OXR1: variants seen among roughly 807,000 people sequenced by gnomAD.
The protein encoded by OXR1 is oxidation resistance protein 1.
OXR1 carries 41 observed loss-of-function variants against 104.6 expected under a neutral mutation model. The observed-to-expected ratio is 0.39, with a 90% CI of 0.31 to 0.51. OXR1 has a LOEUF of 0.51. Among genes scored for constraint, OXR1 ranks in the 20% least tolerant of loss-of-function variants. The pLI is 0.77. For missense variants in OXR1, 955 were observed against 1,031.9 expected (o/e 0.93, Z 1.02); for synonymous variants, 348 against 348.4 (o/e 1.00, Z 0.01).
At chr8:106,679,045 G>C (rs572783667) in intron 3 of OXR1, among the ~76,000 whole-genome samples, 165 bp from the exon 4 acceptor site, 1 of 152,092 alleles carries the variant, frequency 6.6e-6, no homozygotes, top group Admixed American at 6.6e-5. Context: ...AGGAAGTTCA[G>C]TTCCTTTTTT....
chr8:106,531,073 A>G (rs1174592052), intron 3 of OXR1, among the ~76,000 whole-genome samples: 2 of 152,176 alleles, frequency 1.3e-5, no homozygotes, highest in Non-Finnish European at 2.9e-5. Flanking sequence ...GTTAATTTAG[A>G]TTGGTATCTT....
At chr8:106,511,997 A>G (rs1196688101) in intron 2 of OXR1, among the ~76,000 whole-genome samples, 2 of 152,214 alleles carry the variant, frequency 1.3e-5, no homozygotes, top group African/African-American at 4.8e-5. Context: ...TTTACCTGAT[A>G]CATTATAAAT....
intron 3 of OXR1, among the ~76,000 whole-genome samples, chr8:106,521,084 T>G (rs1813221816): frequency 6.6e-6 from 1 of 152,202 alleles, no homozygotes; most frequent in Non-Finnish European, 1.5e-5. Context: ...ATCTGAACTG[T>G]TAAATATACT....
intron 1 of OXR1, among the ~76,000 whole-genome samples, chr8:106,316,107 C>T (rs1056371052): frequency 1.3e-5 from 2 of 152,148 alleles, no homozygotes; most frequent in African/African-American, 4.8e-5. Flanking sequence ...GATGTGCATT[C>T]ACTGATGTGG....
chr8:106,276,982 G>T (rs1486977782), intron 1 of OXR1, among the ~76,000 whole-genome samples: 6 of 152,110 alleles, frequency 3.9e-5, no homozygotes, highest in Non-Finnish European at 2.9e-5. Flanking sequence ...GGCCCTTGCT[G>T]ATAATTCTGT....
intron 3 of OXR1, among the ~76,000 whole-genome samples, chr8:106,660,908 G>A (rs1209561379): frequency 1.3e-5 from 2 of 152,246 alleles, no homozygotes; most frequent in African/African-American, 4.8e-5. Context: ...AGCTACCCGG[G>A]AGGCTGAGGC....
chr8:106,749,927 A>G (rs1457084772), intron 16 of OXR1, among the ~76,000 whole-genome samples: 2 of 152,068 alleles, frequency 1.3e-5, no homozygotes, highest in South Asian at 2.1e-4. Context: ...TACCTAGATT[A>G]TATCTTGGTT....
At chr8:106,699,775 CA>C (rs1830425382) in intron 7 of OXR1, among the ~76,000 whole-genome samples, 1 of 152,168 alleles carries the variant, frequency 6.6e-6, no homozygotes, top group South Asian at 2.1e-4. Flanking sequence ...AGGAGATAAG[CA>C]GGAAGTGGTG....
chr8:106,461,876 C>G (rs763906584), intron 2 of OXR1, among the ~76,000 whole-genome samples: 10 of 152,128 alleles, frequency 6.6e-5, no homozygotes, highest in Non-Finnish European at 1.5e-4. Context: ...TCATTATCAT[C>G]TATAAGAAAC....
At chr8:106,342,576 T>A (rs1322648276) in intron 1 of OXR1, among the ~76,000 whole-genome samples, 1 of 149,306 alleles carries the variant, frequency 6.7e-6, no homozygotes, top group Non-Finnish European at 1.5e-5. Context: ...CTTTTATGTA[T>A]TTTTTTAGCT....
At chr8:106,543,293 G>A (rs956415833) in intron 3 of OXR1, among the ~76,000 whole-genome samples, 1 of 152,020 alleles carries the variant, frequency 6.6e-6, no homozygotes, top group Non-Finnish European at 1.5e-5. Context: ...CACCTGAGAT[G>A]CAGTGTATTC....
intron 3 of OXR1, among the ~76,000 whole-genome samples, chr8:106,539,284 T>C (rs981418454): frequency 2.0e-5 from 3 of 152,226 alleles, no homozygotes; most frequent in African/African-American, 7.2e-5. Flanking sequence ...TTACTTCTCA[T>C]GTGTATATCT....
chr8:106,659,625 G>A (rs964226093), intron 3 of OXR1, among the ~76,000 whole-genome samples: 6 of 152,138 alleles, frequency 3.9e-5, no homozygotes, highest in African/African-American at 1.4e-4. Flanking sequence ...TGAAATGGGT[G>A]GAGAATTCAG....
intron 3 of OXR1, among the ~76,000 whole-genome samples, chr8:106,557,686 C>G (rs1166162498): frequency 6.6e-6 from 1 of 152,098 alleles, no homozygotes; most frequent in Non-Finnish European, 1.5e-5. Context: ...TTTATTCGCT[C>G]TCTCTGCAGG....
intron 3 of OXR1, among the ~76,000 whole-genome samples, chr8:106,540,872 C>T (rs964724987): frequency 6.6e-6 from 1 of 152,172 alleles, no homozygotes; most frequent in African/African-American, 2.4e-5. Context: ...GCAGGAAAAA[C>T]CATCCCCCAT....
intron 2 of OXR1, among the ~76,000 whole-genome samples, chr8:106,478,334 C>T (rs1586694609): frequency 6.6e-6 from 1 of 151,702 alleles, no homozygotes; most frequent in Admixed American, 6.6e-5. Context: ...AGCCAAATTG[C>T]CGTGAATTCA....
Position 106,403,751 on chromosome 8 carries a change from C to T in OXR1, c.23+44115C>T, listed in dbSNP as rs1206086263. 2.0e-5 allele frequency among the ~76,000 whole-genome samples: 3 copies of T among 152,298 alleles called. No individual in the cohort carries two copies. In the East Asian group the frequency reaches 5.8e-4, roughly 29 times the overall value. On this transcript the variant is annotated intron_variant, in intron 2 of 16. Coordinates refer to ENST00000517566, the MANE Select transcript of OXR1 (RefSeq NM_001198533.2). ...TGGAGTCTAGATCAATAAGTTTGGCCTTTTCCAACTTTATGTTCCTTTCAC... is the reference window on the plus strand; with the variant it reads ...TGGAGTCTAGATCAATAAGTTTGGCTTTTTCCAACTTTATGTTCCTTTCAC...
chr8:106,611,947 A>C (rs1010105698), intron 3 of OXR1, among the ~76,000 whole-genome samples: 6 of 151,990 alleles, frequency 3.9e-5, no homozygotes, highest in African/African-American at 4.8e-5. Flanking sequence ...AAAACAAAAA[A>C]AAAATAGGTC....
chr8:106,685,844 A>G (rs1828660841), intron 6 of OXR1, among the ~76,000 whole-genome samples: 2 of 152,340 alleles, frequency 1.3e-5, no homozygotes, highest in African/African-American at 2.4e-5. Flanking sequence ...ATAGCAGCAT[A>G]ATTTGCAATT....
Sources: gnomAD v4.1 joint callset for allele counts (sites outside exome capture counted in the v4.1 genomes callset) on GRCh38, gnomAD v4.1.1 for gene constraint, MANE v1.5 for transcripts, NCBI Gene and HGNC (gene_info 2026-07-23, HGNC 2026-07-21) for gene names.